Variants in RHPN1 observed in about 807,000 individuals in gnomAD.
RHPN1 encodes the protein rhophilin-1.
A neutral mutation model predicts 74.7 loss-of-function variants in RHPN1; 77 were observed. The observed-to-expected ratio is 1.03, with a 90% CI of 0.86 to 1.25. The LOEUF is 1.25. Among genes scored for constraint, RHPN1 ranks in the 50% most tolerant of loss-of-function variants. The probability of loss-of-function intolerance (pLI) is 0.00; values close to 1 mark genes in which losing one functional copy is unlikely to be tolerated. For synonymous variants in RHPN1, 444 were observed against 414.5 expected (o/e 1.07, Z -0.87); for missense variants, 987 against 932.2 (o/e 1.06, Z -0.77).
chr8:143,380,129 C>T lies in RHPN1; in HGVS notation c.1170C>T (p.Pro390=). Residue 390 remains proline, a synonymous_variant, in exon 10 of 15, where the codon CCC becomes CCT. Transcript: ENST00000289013. ...TGCAGCCCCCCACCTCCTCTAAGCC[C>T]CGAGGCCCTGTGCTGCCGCAGGAGC... is the stretch of plus-strand genomic sequence containing the variant. The part of the protein sequence containing the change: ...VFLQPPTSSK[P]RGPVLPQELE... 1 of 1,550,968 alleles carries T rather than the reference C, an allele frequency of 6.4e-7. No individual in the cohort carries two copies.
Position 143,381,865 on chromosome 8 carries a change from G to T in RHPN1, c.1694G>T (p.Trp565Leu). Residue 565 changes from tryptophan (W) to leucine (L), a missense_variant, in exon 14 of 15, where the codon TGG (tryptophan) becomes TTG (leucine). Physicochemically the swap from Trp to Leu is moderately conservative, Grantham distance 61. Transcript: ENST00000289013. The stretch of plus-strand genomic sequence containing the variant: ...TCAGTGAATGGGCAGCCATGCAGGT[G>T]GTGGAGACACGCGGAGGTGGTGACG... ...IVSVNGQPCR[W>L]WRHAEVVTEL... 1.2e-6 allele frequency: 2 copies of T among 1,613,072 alleles called. No individual in the cohort carries two copies. Among genetic ancestry groups the T allele is most frequent in the Non-Finnish European group, 1.7e-6 (2 of 1,179,760 alleles).
Position 143,379,520 on chromosome 8 carries a change from C to A in RHPN1, c.945+12C>A. The A allele has an allele frequency of 1.3e-6, 2 of 1,533,340 alleles. No homozygotes were observed. Among genetic ancestry groups the A allele is most frequent in the Non-Finnish European group, 1.8e-6 (2 of 1,137,436 alleles). 95.0% of individuals were successfully genotyped at this position (1,533,340 alleles called of 1,614,324 possible). On this transcript the variant is annotated intron_variant, in intron 8 of 14. Transcript: ENST00000289013. ...AGGAGGCCGCCCAGGTGAGCTCGGG[C>A]ACCCGTGTCAGGATGCAGGGGGTGG...
At position 143,379,997 on chromosome 8, in the gene RHPN1, C is replaced by CCG. The variant is rs762084519; in HGVS notation, c.1102+13_1102+14insGC. 6 of 1,556,192 alleles carry CCG rather than the reference C, an allele frequency of 3.9e-6. No individual in the cohort carries two copies. The South Asian group carries it at 7.1e-5, about 18-fold the overall frequency. ...CTGCGACGGCTCCCGTGAGTGCCCA[C>CCG]CACACTTGCCCATGGTACTGCCAAG... On this transcript the variant is annotated intron_variant, in intron 9 of 14. Transcript: ENST00000289013.
chr8:143,374,124 ACT>A (rs1354682869), intron 1 of RHPN1: 1 of 984,926 alleles, frequency 1.0e-6, no homozygotes, highest in African/African-American at 1.7e-5. Flanking sequence ...AGCAAAAAGA[ACT>A]CTCTCCAGAT....
At position 143,379,027 on chromosome 8, in the gene RHPN1, T is replaced by C; in HGVS notation, c.700T>C (p.Ser234Pro). Residue 234 changes from serine (S) to proline (P), a missense_variant, in exon 7 of 15, where the codon TCC becomes CCC. Physicochemically the swap from Ser to Pro is moderately conservative, Grantham distance 74. Transcript: ENST00000289013. ...GCAGATTGGGGCGCGCCAGGACCGC[T>C]CCTGCACCGAGGGTGCCCGCCGCGC... ...HTQIGARQDR[S>P]CTEGARRAME... 6.5e-7 allele frequency: 1 copy of C among 1,546,806 alleles called. No individual in the cohort carries two copies. Among genetic ancestry groups the C allele is most frequent in the South Asian group, 1.2e-5 (1 of 83,920 alleles).
Position 143,380,631 on chromosome 8 carries a change from C to A in RHPN1, c.1259C>A (p.Ala420Glu). 6.4e-7 allele frequency: 1 copy of A among 1,552,884 alleles called. No homozygotes were observed. Among genetic ancestry groups the A allele is most frequent in the Non-Finnish European group, 8.7e-7 (1 of 1,148,582 alleles). ...CGTGCCATCCTGGGGCAGGAGGAGG[C>A]GCTGCGGCTGCACGCCCTGTGCCGC... ...LKRAILGQEE[A>E]LRLHALCRVL... Residue 420 changes from alanine (A) to glutamate (E), a missense_variant, in exon 11 of 15, where the codon GCG (alanine) becomes GAG (glutamate). By Grantham distance (107) the Ala-to-Glu change is moderately radical (BLOSUM62 -1). Transcript: ENST00000289013.
At chr8:143,365,419 G>A (rs1285777174), upstream of RHPN1, among the ~76,000 whole-genome samples, 1 of 152,186 alleles carries the variant, frequency 6.6e-6, no homozygotes, top group Non-Finnish European at 1.5e-5. Context: ...CCTCCTCCTG[G>A]CTGCCTCTCT....
chr8:143,375,410 C>A (rs750215601), intron 1 of RHPN1, 143 bp from the exon 2 acceptor site: 9 of 586,242 alleles, frequency 1.5e-5, no homozygotes, highest in Non-Finnish European at 2.4e-5. Context: ...CCAGCCCCTC[C>A]CTGTGAGGCC....
At chr8:143,373,201 T>G (rs111215971) in intron 1 of RHPN1, among the ~76,000 whole-genome samples, 165 of 492 alleles carry the variant, frequency 0.34, 53 homozygotes, top group South Asian at 0.75. Context: ...TTCCAGGGGA[T>G]GGTGCGGGGG....
At position 143,379,528 on chromosome 8, in the gene RHPN1, T is replaced by A; in HGVS notation, c.945+20T>A. 1 of 1,529,922 alleles carries A rather than the reference T, an allele frequency of 6.5e-7. No homozygotes were observed. The highest frequency in any genetic ancestry group is 8.8e-7 in the Non-Finnish European group (1 of 1,135,516). 94.8% of individuals were successfully genotyped at this position (1,529,922 alleles called of 1,614,324 possible). ...GCCCAGGTGAGCTCGGGCACCCGTG[T>A]CAGGATGCAGGGGGTGGGGCCGAGC... On this transcript the variant is annotated intron_variant, in intron 8 of 14. Coordinates refer to ENST00000289013, the MANE Select transcript of RHPN1 (RefSeq NM_052924.3).
chr8:143,381,276 CACCAGAA>C lies in RHPN1; in HGVS notation c.1421_1427del (p.His474ArgfsTer41). On this transcript the variant is annotated frameshift_variant, in exon 12 of 15. Coordinates refer to ENST00000289013, the MANE Select transcript of RHPN1 (RefSeq NM_052924.3). LOFTEE classifies it high-confidence loss of function. ...CTCTTACACCCTCTCAGCTAAGACC[CACCAGAA>C]GCCAGAGGCCAGGATGCCACGCCTG... 6.2e-7 allele frequency: 1 copy of C among 1,612,956 alleles called. No homozygotes were observed. The highest frequency in any genetic ancestry group is 8.5e-7 in the Non-Finnish European group (1 of 1,179,570).
Position 143,378,356 on chromosome 8 carries a change from T to TCGGGGGGGGGGGGGG in RHPN1, c.459+11_459+12insGGGGGGGGGGGGGGC. 1.1e-5 allele frequency: 17 copies of TCGGGGGGGGGGGGGG among 1,525,370 alleles called. No homozygotes were observed. The highest frequency in any genetic ancestry group is 2.4e-5 in the South Asian group (2 of 83,566). 94.5% of individuals were successfully genotyped at this position (1,525,370 alleles called of 1,614,324 possible). ...GGAGGCCCTGCGGCAGGTGTGTGGT[T>TCGGGGGGGGGGGGGG]CCCCCGCCCACCCACCCTCCTGCAG... On this transcript the variant is annotated intron_variant, in intron 5 of 14. Transcript: ENST00000289013.
In RHPN1 at chr8:143,380,572, C is replaced by T. The variant is rs1433634529; in HGVS notation, c.1217-17C>T. 1.3e-5 allele frequency: 19 copies of T among 1,478,706 alleles called. No individual in the cohort carries two copies. The highest frequency in any genetic ancestry group is 1.7e-5 in the Non-Finnish European group (19 of 1,110,190). The allele number at this position is 1,478,706 out of a possible 1,614,324, so 91.6% of individuals were successfully genotyped here. A position where few individuals can be genotyped will look rare whatever the true frequency, so the allele number is the denominator to read the frequency against. On this transcript the variant is annotated splice_polypyrimidine_tract_variant and intron_variant, in intron 10 of 14. Transcript: ENST00000289013. ...CGGGCCCACATGGTGTGTGACATCCCAGTGCCCCGCGTGCAGGCAAGGCAC... is the reference window on the plus strand; with the variant it reads ...CGGGCCCACATGGTGTGTGACATCCTAGTGCCCCGCGTGCAGGCAAGGCAC...
intron 1 of RHPN1, chr8:143,374,204 G>A (rs1436727775): frequency 1.2e-5 from 12 of 985,336 alleles, no homozygotes; most frequent in Middle Eastern, 5.2e-4. Flanking sequence ...CCTGAGAGAC[G>A]TGTGTGCGTG....
At chr8:143,379,159 G>C (rs770376882) in intron 7 of RHPN1, 81 bp downstream of exon 7, 60 of 1,414,858 alleles carry the variant, frequency 4.2e-5, no homozygotes, top group Admixed American at 5.5e-5. Context: ...AGGAGCTGGG[G>C]AGTGGTTAGG....
intron 1 of RHPN1, among the ~76,000 whole-genome samples, chr8:143,370,628 T>A (rs1371174420): frequency 6.6e-6 from 1 of 152,262 alleles, no homozygotes; most frequent in East Asian, 1.9e-4. Context: ...GCTTACCTGG[T>A]GCCAGGGCCA....
At chr8:143,364,377 G>A (rs1377112621), upstream of RHPN1, among the ~76,000 whole-genome samples, 1 of 146,722 alleles carries the variant, frequency 6.8e-6, no homozygotes. The surrounding 1 kb of genome is among the most constrained non-coding windows in gnomAD (Gnocchi z 4.5). Flanking sequence ...GGAGGGACAT[G>A]AGCACCCACA....
chr8:143,376,698 C>CGTGT, intron 3 of RHPN1, 45 bp downstream of exon 3: 1 of 1,513,622 alleles, frequency 6.6e-7, no homozygotes, highest in Non-Finnish European at 8.9e-7. Context: ...TGTGTGTGCA[C>CGTGT]GTGTGCGTGT....
intron 3 of RHPN1, among the ~76,000 whole-genome samples, chr8:143,377,064 G>A (rs1013365704): frequency 5.6e-4 from 18 of 32,176 alleles, no homozygotes; most frequent in African/African-American, 2.0e-3. Flanking sequence ...GTGTGTGCGC[G>A]TGTGTGTGTC....
Sources: gnomAD v4.1 joint callset for allele counts (sites outside exome capture counted in the v4.1 genomes callset) on GRCh38, gnomAD v4.1.1 for gene constraint, Gnocchi (gnomAD v3.1) non-coding constraint, MANE v1.5 for transcripts, NCBI Gene and HGNC (gene_info 2026-07-23, HGNC 2026-07-21) for gene names.